SHTN1: variants seen among roughly 807,000 people sequenced by gnomAD.
SHTN1 encodes shootin 1, also known as shootin-1.
SHTN1 carries 42 observed loss-of-function variants against 83.1 expected under a neutral mutation model. The observed-to-expected ratio is 0.51, with a 90% CI of 0.39 to 0.65. The LOEUF (loss-of-function observed/expected upper bound fraction) is 0.65, where lower values mean the gene tolerates loss of function less well. Ranked by LOEUF, SHTN1 falls within the 30% of genes least tolerant of loss-of-function variation. The probability of loss-of-function intolerance (pLI) is 0.00; values close to 1 mark genes in which losing one functional copy is unlikely to be tolerated. For missense variants in SHTN1, 622 were observed against 737.8 expected, an observed-to-expected ratio of 0.84 and a Z score of 1.82; for synonymous variants, 224 against 247.7, an observed-to-expected ratio of 0.90 and a Z score of 0.90.
Position 117,065,768 on chromosome 10 carries a change from GAAAGAAAGA to G in SHTN1, c.-188-17267_-188-17259del, listed in dbSNP as rs1852977575. Among the ~76,000 whole-genome samples, 4 of 51,700 alleles carry G rather than the reference GAAAGAAAGA, an allele frequency of 7.7e-5. 1 individual carries two copies. In the East Asian group the frequency reaches 3.3e-3, roughly 43 times the overall value. 33.9% of individuals were successfully genotyped at this position (51,700 alleles called of 152,430 possible). A position where few individuals can be genotyped will look rare whatever the true frequency, so the allele number is the denominator to read the frequency against. On this transcript the variant is annotated intron_variant, in intron 1 of 17. Transcript: ENST00000392901. ...AGAAAGAAAGAAAGAAAGAAAGAAA[GAAAGAAAGA>G]AAGAAAGGAAGGAAGGAAGGAAGGA...
At chr10:117,093,896 T>C (rs1202882708) in intron 1 of SHTN1, among the ~76,000 whole-genome samples, 1 of 152,126 alleles carries the variant, frequency 6.6e-6, no homozygotes, top group Non-Finnish European at 1.5e-5. Flanking sequence ...TGCACTCAAG[T>C]AACAAACCTG....
intron 1 of SHTN1, among the ~76,000 whole-genome samples, chr10:117,061,155 T>C (rs112021719): frequency 6.6e-6 from 1 of 150,934 alleles, no homozygotes; most frequent in African/African-American, 2.4e-5. Flanking sequence ...TTTTTTCTTT[T>C]TTTTTTTCTG....
intron 10 of SHTN1, 74 bp downstream of exon 10, chr10:116,929,775 T>G (rs1848882968): frequency 1.0e-6 from 1 of 959,948 alleles, no homozygotes; most frequent in African/African-American, 1.7e-5. Flanking sequence ...ACTAACTATA[T>G]GCCAGGTTTT....
At chr10:116,918,127 T>C (rs939755247) in intron 12 of SHTN1, among the ~76,000 whole-genome samples, 10 of 152,084 alleles carry the variant, frequency 6.6e-5, no homozygotes, top group South Asian at 2.1e-4. Context: ...AAGGGGACAA[T>C]AGAAATATGC....
chr10:117,030,386 G>A (rs1852396841), intron 2 of SHTN1, among the ~76,000 whole-genome samples: 1 of 152,048 alleles, frequency 6.6e-6, no homozygotes, highest in Non-Finnish European at 1.5e-5. Context: ...AGAAGGACAG[G>A]TATAAACAAG....
upstream of SHTN1, among the ~76,000 whole-genome samples, chr10:117,009,473 TTTAA>T (rs1237992776): frequency 5.3e-5 from 8 of 152,018 alleles, no homozygotes; most frequent in Admixed American, 3.9e-4. Flanking sequence ...TAGGAAAAAA[TTTAA>T]TTAGTAACCA....
At chr10:116,932,915 T>C (rs918218551) in intron 9 of SHTN1, among the ~76,000 whole-genome samples, 5 of 152,258 alleles carry the variant, frequency 3.3e-5, no homozygotes, top group Non-Finnish European at 7.3e-5. Context: ...TATTATTTAC[T>C]AAATGATTTA....
chr10:116,923,816 G>A (rs1015391148), intron 11 of SHTN1, among the ~76,000 whole-genome samples: 2 of 152,180 alleles, frequency 1.3e-5, no homozygotes, highest in South Asian at 4.1e-4. Context: ...CTCCCAAAAG[G>A]CTGGGATTAC....
intron 3 of SHTN1, among the ~76,000 whole-genome samples, chr10:116,966,695 C>T (rs1850408393): frequency 6.6e-6 from 1 of 152,154 alleles, no homozygotes; most frequent in Non-Finnish European, 1.5e-5. Flanking sequence ...AGGCAAAGTC[C>T]CTACTGCCTA....
chr10:117,027,474 T>A (rs7069235), intron 2 of SHTN1, among the ~76,000 whole-genome samples: 35,310 of 149,566 alleles, frequency 0.24, 4,804 homozygotes, highest in East Asian at 0.44. Flanking sequence ...CCTTTTTTTT[T>A]AAATAAATTA....
At chr10:116,938,155 C>T (rs1849240775) in intron 9 of SHTN1, among the ~76,000 whole-genome samples, 1 of 151,906 alleles carries the variant, frequency 6.6e-6, no homozygotes, top group South Asian at 2.1e-4. Flanking sequence ...CCTTCTGAAG[C>T]CTACTTCTGT....
intron 16 of SHTN1, among the ~76,000 whole-genome samples, chr10:116,890,863 T>G (rs1847323104): frequency 6.6e-6 from 1 of 152,266 alleles, no homozygotes; most frequent in Non-Finnish European, 1.5e-5. Context: ...CAGTGATTTC[T>G]CAGACTGTGT....
At position 116,949,006 on chromosome 10, in the gene SHTN1, G is replaced by A. The variant is rs1257357747; in HGVS notation, c.535-9C>T. On this transcript the variant is annotated splice_polypyrimidine_tract_variant and intron_variant, in intron 6 of 16. Transcript: ENST00000355371. ...TGTTTAACTTTATTTACCTAAAAAT[G>A]TGAAATTTTGAGGGGAGAAAACACC... 6.5e-7 allele frequency: 1 copy of A among 1,537,514 alleles called. No individual in the cohort carries two copies. The highest frequency in any genetic ancestry group is 2.3e-5 in the East Asian group (1 of 42,702).
chr10:117,115,088 TC>T (rs760061752), intron 1 of SHTN1, among the ~76,000 whole-genome samples: 2 of 152,188 alleles, frequency 1.3e-5, no homozygotes, highest in Non-Finnish European at 2.9e-5. Context: ...GGGTCATAAA[TC>T]CTTTTGAGAA....
intron 16 of SHTN1, among the ~76,000 whole-genome samples, chr10:116,890,610 A>G (rs1297532580): frequency 6.6e-6 from 1 of 152,250 alleles, no homozygotes; most frequent in East Asian, 1.9e-4. Context: ...ACCAAAAAGC[A>G]AAATAAAAGC....
At chr10:117,112,821 T>C (rs1377511550) in intron 1 of SHTN1, among the ~76,000 whole-genome samples, 1 of 152,230 alleles carries the variant, frequency 6.6e-6, no homozygotes. Flanking sequence ...GAGCTCTAAT[T>C]GCAGGTCTCT....
In SHTN1 at chr10:116,940,522, C is replaced by T. The variant is rs746566383; in HGVS notation, c.802G>A (p.Glu268Lys). The change falls in exon 9 of 17, where the codon GAA becomes AAA. Residue 268 changes from glutamate to lysine, a missense_variant. By Grantham distance (56) the Glu-to-Lys change is moderately conservative. This residue lies in a region of SHTN1 where 383 missense variants were observed against 455.8 expected (regional missense o/e 0.84). Transcript: ENST00000355371. The part of the protein sequence containing the change: ...PDQQLLKALD[E>K]NAKLTQQLEE... ...AGTTGCTGGGTGAGTTTTGCATTTT[C>T]GTCTAAAGCTTTCAAAAGCTGCTGA... The T allele has an allele frequency of 5.0e-6, 8 of 1,614,002 alleles. No homozygotes were observed. Among genetic ancestry groups the T allele is most frequent in the Admixed American group, 1.7e-5 (1 of 60,002 alleles).
At chr10:117,078,833 G>A (rs938335068) in intron 1 of SHTN1, among the ~76,000 whole-genome samples, 8 of 151,990 alleles carry the variant, frequency 5.3e-5, no homozygotes, top group African/African-American at 1.9e-4. Context: ...TGTGACTTTT[G>A]GAAGGTCATG....
chr10:116,922,146 T>G (rs987208001), intron 11 of SHTN1, among the ~76,000 whole-genome samples: 1 of 152,058 alleles, frequency 6.6e-6, no homozygotes, highest in African/African-American at 2.4e-5. Flanking sequence ...AAGCACATAA[T>G]TCAAGACAAA....
Sources: allele counts gnomAD v4.1 joint callset (sites outside exome capture counted in the v4.1 genomes callset), GRCh38; gene constraint gnomAD v4.1.1; regional missense constraint gnomAD v4.1.1; transcripts MANE v1.5; gene names NCBI Gene and HGNC (gene_info 2026-07-23, HGNC 2026-07-21).